Variants in TBL1X observed in about 807,000 individuals in gnomAD.
TBL1X encodes F-box-like/WD repeat-containing protein TBL1X.
A neutral mutation model predicts 50.7 loss-of-function variants in TBL1X; 10 were observed. The ratio of observed to expected loss-of-function variants is 0.20; its 90% confidence interval spans 0.12 to 0.33. The LOEUF (loss-of-function observed/expected upper bound fraction) is 0.33, where lower values mean the gene tolerates loss of function less well. Among genes scored for constraint, TBL1X ranks in the 10% least tolerant of loss-of-function variants. The pLI is 1.00. For missense variants in TBL1X, 340 were observed against 504.4 expected (o/e 0.67, Z 3.12); for synonymous variants, 190 against 214.7 (o/e 0.88, Z 1.01).
intron 2 of TBL1X, among the ~76,000 whole-genome samples, chrX:9,600,856 C>T (rs1217453967): frequency 8.9e-6 from 1 of 111,757 alleles, no homozygotes; most frequent in Non-Finnish European, 1.9e-5. Flanking sequence ...GGTCTGCTTC[C>T]ATTCCGGAGG....
chrX:9,503,726 C>T (rs772256357), intron 2 of TBL1X, among the ~76,000 whole-genome samples: 16 of 112,731 alleles, frequency 1.4e-4, no homozygotes, highest in South Asian at 3.6e-4. Flanking sequence ...GTGTGTGGGG[C>T]GGGGCGCTTC....
chrX:9,536,076 G>A (rs1182230211), intron 2 of TBL1X, among the ~76,000 whole-genome samples: 1 of 111,760 alleles, frequency 8.9e-6, no homozygotes, highest in African/African-American at 3.3e-5. Flanking sequence ...CTGGCCATTT[G>A]AAGTGAGCAG....
intron 13 of TBL1X, among the ~76,000 whole-genome samples, chrX:9,707,858 TTCC>T (rs766314523): frequency 7.7e-4 from 86 of 112,283 alleles, no homozygotes; most frequent in Non-Finnish European, 1.3e-3. Context: ...CCTCCTCCCT[TTCC>T]TGGGCCACGT....
chrX:9,619,769 G>A (rs1205024235), intron 2 of TBL1X, among the ~76,000 whole-genome samples: 11 of 111,381 alleles, frequency 9.9e-5, no homozygotes, highest in Non-Finnish European at 2.1e-4. Context: ...GGTGCGGACC[G>A]GAGTGCCGCC....
chrX:9,498,156 C>G (rs1418602998), intron 1 of TBL1X, among the ~76,000 whole-genome samples: 3 of 111,658 alleles, frequency 2.7e-5, no homozygotes, highest in African/African-American at 9.8e-5. Context: ...CTGTCTGGGT[C>G]GCTTCAATAA....
Position 9,695,484 on chromosome X carries a change from G to A in TBL1X, c.1054-1885G>A, listed in dbSNP as rs141881373. On this transcript the variant is annotated intron_variant, in intron 11 of 17. Transcript: ENST00000645353. ...GTTCTAATTCAAGTAACATGCATACGCAGCACTTTGCTGTGCATTCAGTAG... is the reference window on the plus strand; with the variant it reads ...GTTCTAATTCAAGTAACATGCATACACAGCACTTTGCTGTGCATTCAGTAG... Among the ~76,000 whole-genome samples the A allele has an allele frequency of 1.9e-4, 21 of 112,632 alleles. No homozygotes were observed. In the East Asian group the frequency reaches 2.0e-3, roughly 10 times the overall value.
chrX:9,715,009 C>T lies in TBL1X; in HGVS notation c.1707+6C>T, dbSNP rs1246059494. 3.3e-6 allele frequency: 4 copies of T among 1,206,776 alleles called. No individual in the cohort carries two copies. The highest frequency in any genetic ancestry group is 4.5e-6 in the Non-Finnish European group (4 of 892,212). ...CCAGCGCGTCCGACGGCTCTGTAAG[C>T]AACACCTCTGGTTTGCTGGGGAGTG... On this transcript the variant is annotated splice_donor_region_variant and intron_variant, in intron 17 of 17. Coordinates refer to ENST00000645353, the MANE Select transcript of TBL1X (RefSeq NM_005647.4).
chrX:9,470,304 A>G (rs1291409353), intron 1 of TBL1X, among the ~76,000 whole-genome samples: 1 of 112,785 alleles, frequency 8.9e-6, no homozygotes, highest in East Asian at 2.8e-4. Flanking sequence ...ACGGAGTCTC[A>G]CTATGTCGCC....
intron 1 of TBL1X, among the ~76,000 whole-genome samples, chrX:9,478,816 T>C (rs1444169207): frequency 8.9e-6 from 1 of 112,520 alleles, no homozygotes; most frequent in Non-Finnish European, 1.9e-5. Flanking sequence ...CTAGATCTTT[T>C]AAAAATTCCT....
intron 1 of TBL1X, among the ~76,000 whole-genome samples, chrX:9,500,096 G>A (rs1341355182): frequency 9.3e-6 from 1 of 108,092 alleles, no homozygotes; most frequent in African/African-American, 3.4e-5. Flanking sequence ...ATTAGCATGG[G>A]CAACATAACA....
At position 9,716,357 on chromosome X, in the gene TBL1X, C is replaced by A; in HGVS notation, c.*111C>A. 1 of 832,356 alleles carries A rather than the reference C, an allele frequency of 1.2e-6. No homozygotes were observed. The highest frequency in any genetic ancestry group is 1.7e-6 in the Non-Finnish European group (1 of 584,949). 68.6% of individuals were successfully genotyped at this position (832,356 alleles called of 1,213,427 possible). A position where few individuals can be genotyped will look rare whatever the true frequency, so the allele number is the denominator to read the frequency against. ...GGAACTTGACTTGCGTTAGAGTGTA[C>A]TCTGAAACCAACTCGTCTCTGGCCG... On this transcript the variant is annotated 3_prime_UTR_variant, in exon 18 of 18. Coordinates refer to ENST00000645353, the MANE Select transcript of TBL1X (RefSeq NM_005647.4).
Position 9,688,175 on chromosome X carries a change from G to GACAGCAGCC in TBL1X, c.519_527dup (p.Ala174_Thr176dup). Reference sequence around the variant, plus strand: ...CGGCGGCTGCGGCCACGGCAGCAGCGACAGCAGCCACCACGACCTCAGCCG... The same window carrying GACAGCAGCC: ...CGGCGGCTGCGGCCACGGCAGCAGCGACAGCAGCCACAGCAGCCACCACGACCTCAGCCG... On this transcript the variant is annotated inframe_insertion, in exon 7 of 18. Coordinates refer to ENST00000645353, the MANE Select transcript of TBL1X (RefSeq NM_005647.4). The GACAGCAGCC allele has an allele frequency of 8.3e-7, 1 of 1,198,073 alleles. No homozygotes were observed. Among genetic ancestry groups the GACAGCAGCC allele is most frequent in the African/African-American group, 1.7e-5 (1 of 57,474 alleles).
intron 11 of TBL1X, among the ~76,000 whole-genome samples, chrX:9,697,137 T>C (rs1162321978): frequency 8.9e-6 from 1 of 112,327 alleles, no homozygotes; most frequent in African/African-American, 3.2e-5. Context: ...ATGGTAATAT[T>C]TGGGGGCATG....
At chrX:9,676,059 TTTG>T (rs1164226495) in intron 5 of TBL1X, among the ~76,000 whole-genome samples, 1 of 112,023 alleles carries the variant, frequency 8.9e-6, no homozygotes, top group Non-Finnish European at 1.9e-5. Flanking sequence ...TATCTTGACT[TTTG>T]TTTGAGTGTG....
In TBL1X at chrX:9,665,519, A is replaced by G. The variant is rs1402089917; in HGVS notation, c.211+11197A>G. Reference sequence around the variant, plus strand: ...TATATATATATATATATATATATATATATATATATATATATATATAAAAGG... The same window carrying G: ...TATATATATATATATATATATATATGTATATATATATATATATATAAAAGG... On this transcript the variant is annotated intron_variant, in intron 5 of 17. Transcript: ENST00000645353. Among the ~76,000 whole-genome samples, 64 of 56,080 alleles carry G rather than the reference A, an allele frequency of 1.1e-3. 5 individuals are homozygous for G. Among genetic ancestry groups the G allele is most frequent in the African/African-American group, 3.5e-3 (55 of 15,526 alleles). 48.7% of individuals were successfully genotyped at this position (56,080 alleles called of 115,157 possible).
intron 2 of TBL1X, among the ~76,000 whole-genome samples, chrX:9,521,079 C>CAGAGGGAGACCTTGTTTCTA (rs1287100402): frequency 9.1e-6 from 1 of 110,275 alleles, no homozygotes; most frequent in Non-Finnish European, 1.9e-5. Flanking sequence ...GCCTGGGTGA[C>CAGAGGGAGACCTTGTTTCTA]AGAGGGAGAC....
Position 9,521,149 on chromosome X carries a change from G to T in TBL1X, c.-131+19300G>T, listed in dbSNP as rs191728457. ...GAGATAAGATAAAGAATGGGGGGAG[G>T]GGACGTATTTTTTGCAGGAGGGAAA... On this transcript the variant is annotated intron_variant, in intron 2 of 17. Coordinates refer to ENST00000645353, the MANE Select transcript of TBL1X (RefSeq NM_005647.4). Among the ~76,000 whole-genome samples, 539 of 110,395 alleles carry T rather than the reference G, an allele frequency of 4.9e-3. 15 individuals are homozygous for T. The highest frequency in any genetic ancestry group is 0.044 in the Admixed American group (460 of 10,349).
rs565101016 is a variant in TBL1X at position 9,590,849 on chromosome X, G to C, written c.-130-49424G>C. 3.6e-5 allele frequency among the ~76,000 whole-genome samples: 4 copies of C among 110,636 alleles called. No homozygotes were observed. In the East Asian group the frequency reaches 1.1e-3, roughly 32 times the overall value. ...TGAGACTTGCCATGAGTCTTACTGT[G>C]GGGGTGGGGAGGATGGGGAAAGAAA... On this transcript the variant is annotated intron_variant, in intron 2 of 17. Transcript: ENST00000645353.
chrX:9,507,192 C>G (rs1296662877), intron 2 of TBL1X, among the ~76,000 whole-genome samples: 1 of 112,103 alleles, frequency 8.9e-6, no homozygotes. Flanking sequence ...TTAGAAAACC[C>G]TATCATCTCA....
Sources: allele counts gnomAD v4.1 joint callset (sites outside exome capture counted in the v4.1 genomes callset), GRCh38; gene constraint gnomAD v4.1.1; transcripts MANE v1.5; gene names NCBI Gene and HGNC (gene_info 2026-07-23, HGNC 2026-07-21).